SULF2: variants seen among roughly 807,000 people sequenced by gnomAD.
SULF2 encodes the protein sulfatase 2.
In SULF2, 52 loss-of-function variants were observed where a neutral mutation model predicts 107.7. That is an observed-to-expected ratio of 0.48 (90% CI 0.39 to 0.61). The LOEUF (loss-of-function observed/expected upper bound fraction) is 0.61, where lower values mean the gene tolerates loss of function less well. Ranked by LOEUF, SULF2 falls within the 20% of genes least tolerant of loss-of-function variation. The probability of loss-of-function intolerance (pLI) is 0.00; values close to 1 mark genes in which losing one functional copy is unlikely to be tolerated. For synonymous variants in SULF2, 460 were observed against 464.3 expected (o/e 0.99, Z 0.12); for missense variants, 993 against 1,177.3 (o/e 0.84, Z 2.29).
At chr20:47,734,570 C>T (rs533641480) in intron 3 of SULF2, among the ~76,000 whole-genome samples, 6 of 152,132 alleles carry the variant, frequency 3.9e-5, no homozygotes, top group Non-Finnish European at 1.5e-5. Flanking sequence ...TCCTAGCTGC[C>T]AGGGCAAAGA....
chr20:47,715,812 CA>C (rs2089100838), intron 3 of SULF2, among the ~76,000 whole-genome samples: 1 of 152,202 alleles, frequency 6.6e-6, no homozygotes, highest in Admixed American at 6.5e-5. Flanking sequence ...GAGCTGACCT[CA>C]AGTGATCCAC....
upstream of SULF2, chr20:47,786,462 C>T (rs1035891524): frequency 6.6e-6 from 1 of 152,214 alleles, no homozygotes; most frequent in African/African-American, 2.4e-5. Flanking sequence ...GCGCTCGCCT[C>T]CAGCCACACA....
At chr20:47,745,438 T>A (rs1292720280) in intron 2 of SULF2, among the ~76,000 whole-genome samples, 1 of 10,692 alleles carries the variant, frequency 9.4e-5, no homozygotes, top group African/African-American at 2.8e-4. Context: ...TATATATATA[T>A]ATATATATAT....
intron 2 of SULF2, 40 bp downstream of exon 2, chr20:47,757,149 C>A: frequency 6.6e-7 from 1 of 1,515,690 alleles, no homozygotes; most frequent in South Asian, 1.2e-5. Context: ...GGACCCTGCT[C>A]CGAGGGGCCG....
rs369943966 is a variant in SULF2, at chr20:47,667,527, A to G, written c.1577-1039T>C. ...TTTCCAGCTTCCAGAAAGGAAACAG[A>G]TGTCTCACGGGCCCACAGTTCCATA... On this transcript the variant is annotated intron_variant, in intron 11 of 20. Transcript: ENST00000688720. Among the ~76,000 whole-genome samples, 29 of 152,114 alleles carry G rather than the reference A, an allele frequency of 1.9e-4. No individual in the cohort carries two copies. In the East Asian group the frequency reaches 5.0e-3, roughly 26 times the overall value.
Position 47,689,788 on chromosome 20 carries a change from A to G in SULF2, c.737+338T>C, listed in dbSNP as rs529184390. ...GGCAAATAATTAGTCTGGTAAAACT[A>G]TAGACCCCCTCCTCAAAAGAATGTT... On this transcript the variant is annotated intron_variant, in intron 5 of 20. Transcript: ENST00000688720. 2.1e-4 allele frequency: 40 copies of G among 191,562 alleles called. 1 individual carries two copies. In the South Asian group the frequency reaches 7.6e-3, roughly 36 times the overall value. 11.9% of individuals were successfully genotyped at this position (191,562 alleles called of 1,614,324 possible).
intron 3 of SULF2, among the ~76,000 whole-genome samples, chr20:47,720,835 C>A (rs190073717): frequency 6.6e-6 from 1 of 152,284 alleles, no homozygotes; most frequent in East Asian, 1.9e-4. Context: ...CCGGTCTGGG[C>A]AGCAGAGAAC....
intron 3 of SULF2, among the ~76,000 whole-genome samples, chr20:47,705,107 G>A (rs1214447039): frequency 6.6e-6 from 1 of 152,228 alleles, no homozygotes; most frequent in Non-Finnish European, 1.5e-5. Flanking sequence ...AGGCAAAGGG[G>A]AGCACTTCAT....
intron 1 of SULF2, among the ~76,000 whole-genome samples, chr20:47,757,943 G>A (rs538253982): frequency 6.6e-6 from 1 of 152,222 alleles, no homozygotes; most frequent in East Asian, 1.9e-4. Flanking sequence ...GGGTTTAAAC[G>A]AGAGCCTGGA....
rs530043786 is a variant in SULF2, at chr20:47,741,402, C to A, written c.176-4460G>T. On this transcript the variant is annotated intron_variant, in intron 2 of 20. Transcript: ENST00000688720. ...GAGCCCCGCAGCGGTGCCCTCACCC[C>A]CTTCTTGTCTTTACTCAAAAGTTCC... 1.9e-4 allele frequency among the ~76,000 whole-genome samples: 29 copies of A among 152,272 alleles called. No homozygotes were observed. The South Asian group carries it at 5.4e-3, about 28-fold the overall frequency.
chr20:47,710,146 C>T (rs2088880087), intron 3 of SULF2, among the ~76,000 whole-genome samples: 1 of 152,154 alleles, frequency 6.6e-6, no homozygotes, highest in African/African-American at 2.4e-5. Context: ...AGGTGATCTG[C>T]CCGCCTCAGC....
At chr20:47,765,867 G>A (rs1773458085) in intron 1 of SULF2, among the ~76,000 whole-genome samples, 1 of 152,248 alleles carries the variant, frequency 6.6e-6, no homozygotes, top group Non-Finnish European at 1.5e-5. Context: ...AGGGACTGAG[G>A]TTAAGTGTGT....
At chr20:47,709,804 TAGAGACAG>T (rs1305739378) in intron 3 of SULF2, among the ~76,000 whole-genome samples, 3 of 150,586 alleles carry the variant, frequency 2.0e-5, no homozygotes, top group Admixed American at 2.0e-4. Flanking sequence ...GTGGGAAAGA[TAGAGACAG>T]AGAGACAGAA....
At chr20:47,773,934 G>A (rs1476207630) in intron 1 of SULF2, among the ~76,000 whole-genome samples, 1 of 152,200 alleles carries the variant, frequency 6.6e-6, no homozygotes, top group Non-Finnish European at 1.5e-5. Flanking sequence ...AAGGTATTTT[G>A]ACGGCTTGGT....
chr20:47,663,011 C>T (rs1602578569), intron 17 of SULF2, 59 bp downstream of exon 17: 2 of 1,598,986 alleles, frequency 1.3e-6, no homozygotes, highest in Non-Finnish European at 8.6e-7. Flanking sequence ...TGGGGGGGGC[C>T]TACCTGGCAG....
chr20:47,676,978 G>T, intron 9 of SULF2, 100 bp downstream of exon 9: 1 of 1,311,042 alleles, frequency 7.6e-7, no homozygotes, highest in Non-Finnish European at 1.1e-6. Context: ...TCAGAGCCAT[G>T]GGCAGCTCCT....
intron 11 of SULF2, among the ~76,000 whole-genome samples, chr20:47,669,040 C>T (rs2087375724): frequency 6.6e-6 from 1 of 152,194 alleles, no homozygotes; most frequent in Non-Finnish European, 1.5e-5. Context: ...TCTGCTAGTC[C>T]CGCCACCGCT....
intron 10 of SULF2, among the ~76,000 whole-genome samples, chr20:47,675,000 C>A (rs2087595222): frequency 6.6e-6 from 1 of 152,186 alleles, no homozygotes; most frequent in Non-Finnish European, 1.5e-5. Flanking sequence ...CCTCAGCACT[C>A]TCTTCCTTTG....
At chr20:47,750,846 C>T (rs377234527) in intron 2 of SULF2, among the ~76,000 whole-genome samples, 5 of 152,326 alleles carry the variant, frequency 3.3e-5, no homozygotes, top group South Asian at 2.1e-4. Context: ...TAGCACACAC[C>T]GTTCCCTCTG....
Sources: allele counts gnomAD v4.1 joint callset (sites outside exome capture counted in the v4.1 genomes callset), GRCh38; gene constraint gnomAD v4.1.1; transcripts MANE v1.5; gene names NCBI Gene and HGNC (gene_info 2026-07-23, HGNC 2026-07-21).